The following TNFRSF14 variants were observed in gnomAD, a reference collection of about 807,000 sequenced individuals.
The protein encoded by TNFRSF14 is TNF receptor superfamily member 14, also known as tumor necrosis factor receptor superfamily member 14.
In TNFRSF14, 18 loss-of-function variants were observed where a neutral mutation model predicts 34.1. That is an observed-to-expected ratio of 0.53 (90% CI 0.36 to 0.78). The LOEUF is 0.78. Among genes scored for constraint, TNFRSF14 ranks in the 30% least tolerant of loss-of-function variants. TNFRSF14 has a pLI of 0.00. For missense variants in TNFRSF14, 352 were observed against 379.5 expected (o/e 0.93, Z 0.60); for synonymous variants, 157 against 153.2 (o/e 1.02, Z -0.18).
Position 2,560,893 on chromosome 1 carries a change from AC to A in TNFRSF14, c.551+183del. The A allele has an allele frequency of 3.3e-6, 2 of 605,778 alleles. 1 individual carries two copies. The highest frequency in any genetic ancestry group is 6.1e-5 in the Admixed American group (2 of 32,748). The allele number at this position is 605,778 out of a possible 1,614,324, so 37.5% of individuals were successfully genotyped here. On this transcript the variant is annotated intron_variant, in intron 5 of 7. Transcript: ENST00000355716. ...GGCTGAAGCCTGTGTGCCCCAGATA[AC>A]CCCTTCCATGGGCCCAGACAAAGCC...
chr1:2,559,951 A>G lies in TNFRSF14; in HGVS notation c.433A>G (p.Ser145Gly). Residue 145 changes from serine (S) to glycine (G), a missense_variant, in exon 4 of 8, where the codon AGC becomes GGC. Physicochemically the swap from Ser to Gly is moderately conservative, Grantham distance 56 (BLOSUM62 0). Transcript: ENST00000355716. The part of the protein sequence containing the change: ...CAACRAYATS[S>G]PGQRVQKGGT... ...CGCGTGCCGCGCTTACGCCACCTCC[A>G]GCCCGGGCCAGAGGGTGCAGAAGGG... The G allele has an allele frequency of 6.3e-7, 1 of 1,587,674 alleles. No homozygotes were observed. The highest frequency in any genetic ancestry group is 1.1e-5 in the South Asian group (1 of 88,112).
Position 2,560,875 on chromosome 1 carries a change from G to A in TNFRSF14, c.551+161G>A, listed in dbSNP as rs552532210. 36 of 640,618 alleles carry A rather than the reference G, an allele frequency of 5.6e-5. No individual in the cohort carries two copies. The African/African-American group carries it at 6.4e-4, about 11-fold the overall frequency. 39.7% of individuals were successfully genotyped at this position (640,618 alleles called of 1,614,324 possible). On this transcript the variant is annotated intron_variant, in intron 5 of 7. Coordinates refer to ENST00000355716, the MANE Select transcript of TNFRSF14 (RefSeq NM_003820.4). ...CGTCCAGGAGAGCTGCAGGGCTGAA[G>A]CCTGTGTGCCCCAGATAACCCCTTC...
In TNFRSF14 at chr1:2,561,443, A is replaced by G. The variant is rs1204472591; in HGVS notation, c.552-230A>G. 8 of 1,468,162 alleles carry G rather than the reference A, an allele frequency of 5.4e-6. No homozygotes were observed. Among genetic ancestry groups the G allele is most frequent in the Non-Finnish European group, 6.4e-6 (7 of 1,101,474 alleles). The allele number at this position is 1,468,162 out of a possible 1,614,324, so 90.9% of individuals were successfully genotyped here. On this transcript the variant is annotated intron_variant, in intron 5 of 7. Transcript: ENST00000355716. This position sits in a 1 kb window ranked among gnomAD's most constrained non-coding sequence, Gnocchi z 6.0. ...CTCTGCCGTCCTGTCTCCTTTGCCC[A>G]GTCTCTCCTTGTTTCTCTTCTCCTC...
At position 2,560,597 on chromosome 1, in the gene TNFRSF14, C is replaced by A. The variant is rs1397681115; in HGVS notation, c.461-27C>A. ...CCCCTCCTGGCCTGGTGCCCTCAGC[C>A]CCCTCTGTCCGTCCCTCTCTTCTCA... On this transcript the variant is annotated intron_variant, in intron 4 of 7. Transcript: ENST00000355716. 2.5e-6 allele frequency: 4 copies of A among 1,595,464 alleles called. No individual in the cohort carries two copies. In the Admixed American group the frequency reaches 6.8e-5, roughly 27 times the overall value.
At chr1:2,558,115 G>T (rs540168371) in intron 2 of TNFRSF14, among the ~76,000 whole-genome samples, 2 of 152,298 alleles carry the variant, frequency 1.3e-5, no homozygotes, top group Admixed American at 1.3e-4. Flanking sequence ...TACCAGAGCC[G>T]GGCCAGGTGT....
chr1:2,557,591 C>G (rs1644236658), intron 1 of TNFRSF14, 135 bp from the exon 2 acceptor site: 1 of 624,632 alleles, frequency 1.6e-6, no homozygotes, highest in South Asian at 2.6e-5. Context: ...TGGCCTGGGG[C>G]CCGCTTCTGT....
chr1:2,562,982 G>T, intron 7 of TNFRSF14, 86 bp downstream of exon 7: 2 of 1,543,500 alleles, frequency 1.3e-6, no homozygotes, highest in Non-Finnish European at 1.8e-6. Context: ...TGGTGTACAT[G>T]GTGGGGGCTC....
In TNFRSF14 at chr1:2,559,898, G is replaced by T; in HGVS notation, c.380G>T (p.Cys127Phe). 6.2e-7 allele frequency: 1 copy of T among 1,604,382 alleles called. No homozygotes were observed. Among genetic ancestry groups the T allele is most frequent in the East Asian group, 2.2e-5 (1 of 44,484 alleles). The change falls in exon 4 of 8, where the codon TGC becomes TTC. Residue 127 changes from cysteine to phenylalanine, a missense_variant. Cys to Phe is a radical substitution (Grantham distance 205). Transcript: ENST00000355716. ...TGTGGCTGCAGCCCAGGCCACTTCT[G>T]CATCGTCCAGGACGGGGACCACTGC... is the stretch of plus-strand genomic sequence containing the variant. Reference protein sequence around the residue: ...AVCGCSPGHFCIVQDGDHCAA... With the variant: ...AVCGCSPGHFFIVQDGDHCAA...
upstream of TNFRSF14, chr1:2,555,760 G>A (rs960982906): frequency 2.6e-5 from 4 of 152,966 alleles, no homozygotes; most frequent in African/African-American, 9.7e-5. This position sits in a 1 kb window ranked among gnomAD's most constrained non-coding sequence, Gnocchi z 6.3. Context: ...GGGTCACGAG[G>A]TTCCATGTGA....
Position 2,561,848 on chromosome 1 carries a change from T to A in TNFRSF14, c.694+33T>A. On this transcript the variant is annotated intron_variant, in intron 6 of 7. Coordinates refer to ENST00000355716, the MANE Select transcript of TNFRSF14 (RefSeq NM_003820.4). The surrounding 1 kb of genome is among the most constrained non-coding windows in gnomAD (Gnocchi z 6.0). ...CACGGCGGCCCCATCAGGGCTCATGTCCCCAGCCGTCACCTCTTGGAGCTC... is the reference window on the plus strand; with the variant it reads ...CACGGCGGCCCCATCAGGGCTCATGACCCCAGCCGTCACCTCTTGGAGCTC... 1 of 1,599,998 alleles carries A rather than the reference T, an allele frequency of 6.3e-7. No homozygotes were observed. The highest frequency in any genetic ancestry group is 8.5e-7 in the Non-Finnish European group (1 of 1,171,644).
intron 6 of TNFRSF14, chr1:2,562,566 C>G: frequency 1.8e-6 from 1 of 565,668 alleles, no homozygotes; most frequent in Non-Finnish European, 3.2e-6. Context: ...AGCGCTTGTT[C>G]CCCTCCCATA....
chr1:2,558,893 C>T, intron 3 of TNFRSF14: 1 of 1,351,234 alleles, frequency 7.4e-7, no homozygotes, highest in African/African-American at 1.4e-5. Context: ...ATTGGTTCCC[C>T]CTGTGACCTC....
Position 2,561,344 on chromosome 1 carries a change from C to T in TNFRSF14, c.552-329C>T, listed in dbSNP as rs11573989. ...CACTGGCTCTCCCTCTACCTTCTGT[C>T]CTTGTCTGCCACTGGTCTCCCGTGC... On this transcript the variant is annotated intron_variant, in intron 5 of 7. Coordinates refer to ENST00000355716, the MANE Select transcript of TNFRSF14 (RefSeq NM_003820.4). The surrounding 1 kb of genome is among the most constrained non-coding windows in gnomAD (Gnocchi z 6.0). 9,081 of 715,150 alleles carry T rather than the reference C, an allele frequency of 0.013. 81 individuals are homozygous for T. Among genetic ancestry groups the T allele is most frequent in the Non-Finnish European group, 0.014 (6,278 of 434,466 alleles). 44.3% of individuals were successfully genotyped at this position (715,150 alleles called of 1,614,324 possible). A position where few individuals can be genotyped will look rare whatever the true frequency, so the allele number is the denominator to read the frequency against.
At position 2,556,616 on chromosome 1, in the gene TNFRSF14, A is replaced by G. The variant is rs770610939; in HGVS notation, c.-49A>G. 8.3e-6 allele frequency: 13 copies of G among 1,567,380 alleles called. No individual in the cohort carries two copies. In the South Asian group the frequency reaches 1.1e-4, roughly 14 times the overall value. ...CAATGGCGCTGAGTTCCTCTGCTGG[A>G]GTTCATCCTGCTAGCTGGGTTCCCG... On this transcript the variant is annotated 5_prime_UTR_variant, in exon 1 of 8. Transcript: ENST00000355716.
intron 6 of TNFRSF14, chr1:2,562,419 A>C: frequency 4.1e-6 from 1 of 245,356 alleles, no homozygotes; most frequent in Non-Finnish European, 8.0e-6. Context: ...GGCGGCAGCA[A>C]AGCCACCTGA....
chr1:2,561,400 C>A lies in TNFRSF14; in HGVS notation c.552-273C>A, dbSNP rs988710733. Reference sequence around the variant, plus strand: ...GGTCTCTGCACTGCTGGCTGCCTCCCGCTTCTCTCCCCTCTCCCTCTGCCG... The same window carrying A: ...GGTCTCTGCACTGCTGGCTGCCTCCAGCTTCTCTCCCCTCTCCCTCTGCCG... On this transcript the variant is annotated intron_variant, in intron 5 of 7. Transcript: ENST00000355716. The surrounding 1 kb of genome is among the most constrained non-coding windows in gnomAD (Gnocchi z 6.0). 2.3e-6 allele frequency: 3 copies of A among 1,301,712 alleles called. No individual in the cohort carries two copies. The highest frequency in any genetic ancestry group is 1.5e-5 in the African/African-American group (1 of 66,690). 80.6% of individuals were successfully genotyped at this position (1,301,712 alleles called of 1,614,324 possible). A position where few individuals can be genotyped will look rare whatever the true frequency, so the allele number is the denominator to read the frequency against.
At position 2,561,576 on chromosome 1, in the gene TNFRSF14, C is replaced by A. The variant is rs540690265; in HGVS notation, c.552-97C>A. ...CCAGCCTCCCTGGGACCTGTCTTCACTGCCTGGGGCCCTGGGAGCCAGGGA... is the reference window on the plus strand; with the variant it reads ...CCAGCCTCCCTGGGACCTGTCTTCAATGCCTGGGGCCCTGGGAGCCAGGGA... On this transcript the variant is annotated intron_variant, in intron 5 of 7. Transcript: ENST00000355716. This position sits in a 1 kb window ranked among gnomAD's most constrained non-coding sequence, Gnocchi z 6.0. 2 of 1,594,088 alleles carry A rather than the reference C, an allele frequency of 1.3e-6. No individual in the cohort carries two copies. The highest frequency in any genetic ancestry group is 1.7e-4 in the Middle Eastern group (1 of 6,032).
intron 2 of TNFRSF14, 75 bp downstream of exon 2, chr1:2,557,909 C>T (rs1229776050): frequency 1.6e-6 from 2 of 1,251,626 alleles, no homozygotes; most frequent in Non-Finnish European, 2.2e-6. Context: ...CCCCAGACAC[C>T]CCTGTGTTCT....
In TNFRSF14 at chr1:2,558,612, C is replaced by G. The variant is rs1644255250; in HGVS notation, c.304+144C>G. 4 of 1,466,732 alleles carry G rather than the reference C, an allele frequency of 2.7e-6. No individual in the cohort carries two copies. In the African/African-American group the frequency reaches 5.7e-5, roughly 21 times the overall value. The allele number at this position is 1,466,732 out of a possible 1,614,324, so 90.9% of individuals were successfully genotyped here. A position where few individuals can be genotyped will look rare whatever the true frequency, so the allele number is the denominator to read the frequency against. On this transcript the variant is annotated intron_variant, in intron 3 of 7. Coordinates refer to ENST00000355716, the MANE Select transcript of TNFRSF14 (RefSeq NM_003820.4). ...TCCCAACCCCATCTCCATGGATGCA[C>G]CCTGCAGGGGACGCCTTGAGGTCAG...
Sources: gnomAD v4.1 joint callset for allele counts (sites outside exome capture counted in the v4.1 genomes callset) on GRCh38, gnomAD v4.1.1 for gene constraint, Gnocchi (gnomAD v3.1) non-coding constraint, MANE v1.5 for transcripts, NCBI Gene and HGNC (gene_info 2026-07-23, HGNC 2026-07-21) for gene names.